The following FYN variants were observed in gnomAD, a reference collection of about 807,000 sequenced individuals.
FYN encodes tyrosine-protein kinase Fyn.
Under a neutral mutation model 70.2 loss-of-function variants are expected in FYN, and 10 were observed. The observed-to-expected ratio is 0.14, with a 90% confidence interval of 0.09 to 0.24. The LOEUF (loss-of-function observed/expected upper bound fraction) is 0.24, where lower values mean the gene tolerates loss of function less well. FYN is among the 10% of genes least tolerant of loss of function. The probability of loss-of-function intolerance (pLI) is 1.00; values close to 1 mark genes in which losing one functional copy is unlikely to be tolerated. For missense variants in FYN, 319 were observed against 673.1 expected (o/e 0.47, Z 5.82); for synonymous variants, 236 against 248.6 (o/e 0.95, Z 0.48).
At chr6:111,675,829 A>G (rs1248233983) in intron 12 of FYN, among the ~76,000 whole-genome samples, 1 of 151,168 alleles carries the variant, frequency 6.6e-6, no homozygotes, top group African/African-American at 2.4e-5. Flanking sequence ...AAATAAATAA[A>G]TAAATAAATA....
At chr6:111,784,461 A>T (rs1771291277) in intron 2 of FYN, among the ~76,000 whole-genome samples, 1 of 152,230 alleles carries the variant, frequency 6.6e-6, no homozygotes, top group Non-Finnish European at 1.5e-5. Flanking sequence ...AACTGACCCC[A>T]TAGTATTTCC....
chr6:111,782,780 G>A lies in FYN; in HGVS notation c.-81-2145C>T, dbSNP rs561237277. Among the ~76,000 whole-genome samples, 50 of 152,264 alleles carry A rather than the reference G, an allele frequency of 3.3e-4. 1 individual carries two copies. The highest frequency in any genetic ancestry group is 1.2e-3 in the African/African-American group (50 of 41,544). ...GTGATTTCCTAAGTATGGGCACTTT[G>A]GTGATCCATGCTGGTGAGGCCAGGT... On this transcript the variant is annotated intron_variant, in intron 2 of 13. Transcript: ENST00000354650.
At chr6:111,723,733 T>C (rs1009476033) in intron 3 of FYN, among the ~76,000 whole-genome samples, 8 of 152,242 alleles carry the variant, frequency 5.3e-5, no homozygotes, top group South Asian at 4.1e-4. Flanking sequence ...TCATTCATGC[T>C]AAAATAAAAG....
At chr6:111,807,164 A>G (rs1212372226) in intron 2 of FYN, among the ~76,000 whole-genome samples, 1 of 152,210 alleles carries the variant, frequency 6.6e-6, no homozygotes, top group Non-Finnish European at 1.5e-5. Context: ...CTTATTTATA[A>G]TATTTTTTGT....
chr6:111,716,717 A>G (rs1800660252), intron 4 of FYN, among the ~76,000 whole-genome samples: 1 of 152,100 alleles, frequency 6.6e-6, no homozygotes, highest in South Asian at 2.1e-4. Flanking sequence ...AAAATTATGA[A>G]GAAAGATCTT....
At chr6:111,817,083 GGAGT>G (rs1772512074) in intron 2 of FYN, among the ~76,000 whole-genome samples, 2 of 141,412 alleles carry the variant, frequency 1.4e-5, no homozygotes, top group Admixed American at 6.7e-5. Context: ...AACATAGAAA[GGAGT>G]GATTAAAATA....
intron 3 of FYN, among the ~76,000 whole-genome samples, chr6:111,744,067 C>T (rs781025817): frequency 2.8e-4 from 42 of 152,238 alleles, no homozygotes; most frequent in Non-Finnish European, 2.9e-4. Context: ...CTGCTCCCAA[C>T]TCTTGCCCTT....
rs997604770 is a variant in FYN at position 111,707,996 on chromosome 6, G to A, written c.369C>T (p.Arg123=). The part of the protein sequence containing the change: ...NSSEGDWWEA[R]SLTTGETGYI... The stretch of plus-strand genomic sequence containing the variant: ...AACCTGTCTCTCCAGTTGTCAAGGA[G>A]CGGGCTTCCCACCAATCTCCTTCCC... Residue 123 remains arginine, a synonymous_variant, in exon 6 of 14, where the codon CGC becomes CGT. Transcript: ENST00000354650. The A allele has an allele frequency of 1.2e-6, 2 of 1,613,828 alleles. No homozygotes were observed. Among genetic ancestry groups the A allele is most frequent in the Non-Finnish European group, 1.7e-6 (2 of 1,179,836 alleles).
intron 3 of FYN, among the ~76,000 whole-genome samples, chr6:111,761,971 G>A (rs1330714891): frequency 1.3e-5 from 2 of 152,196 alleles, no homozygotes; most frequent in Non-Finnish European, 2.9e-5. Context: ...ACATCATGGA[G>A]GAGTGTGGGT....
intron 12 of FYN, among the ~76,000 whole-genome samples, chr6:111,680,552 C>T (rs960931270): frequency 2.0e-5 from 3 of 152,202 alleles, no homozygotes; most frequent in Non-Finnish European, 2.9e-5. Context: ...GATAACACAT[C>T]ATTACCTTGA....
chr6:111,738,121 T>C lies in FYN; in HGVS notation c.-11-18059A>G, dbSNP rs553784208. Among the ~76,000 whole-genome samples, 3 of 152,302 alleles carry C rather than the reference T, an allele frequency of 2.0e-5. No individual in the cohort carries two copies. The South Asian group carries it at 6.2e-4, about 32-fold the overall frequency. ...GAATTTTCAGTCTGTTAGGAGCAAG[T>C]ACTGGTGAAAATGTGGAACAAGAGC... On this transcript the variant is annotated intron_variant, in intron 3 of 13. Coordinates refer to ENST00000354650, the MANE Select transcript of FYN (RefSeq NM_002037.5).
At chr6:111,839,270 T>C (rs956243581) in intron 2 of FYN, among the ~76,000 whole-genome samples, 1 of 152,090 alleles carries the variant, frequency 6.6e-6, no homozygotes, top group African/African-American at 2.4e-5. Context: ...AGCTCATGGA[T>C]CTGTTTGTTC....
In FYN at chr6:111,694,376, T is replaced by C. The variant is rs1489703415; in HGVS notation, c.1272A>G (p.Gln424=). 3.1e-6 allele frequency: 5 copies of C among 1,614,054 alleles called. No homozygotes were observed. Among genetic ancestry groups the C allele is most frequent in the African/African-American group, 1.3e-5 (1 of 74,944 alleles). ...AGCCATTGTCATTCAAGTGCCCACC[T>C]TGTCTTGCTGTGTACTCATTGTCTT... ...LIEDNEYTAR[Q]GAKFPIKWTA... is the part of the protein sequence containing the mutation. The change falls in exon 12 of 14, where the codon CAA becomes CAG. Residue 424 remains glutamine (Q), a splice_region_variant and synonymous_variant. Coordinates refer to ENST00000354650, the MANE Select transcript of FYN (RefSeq NM_002037.5). This position sits in a 1 kb window ranked among gnomAD's most constrained non-coding sequence, Gnocchi z 5.0.
At chr6:111,762,193 C>T (rs1583418936) in intron 3 of FYN, among the ~76,000 whole-genome samples, 3 of 152,182 alleles carry the variant, frequency 2.0e-5, no homozygotes, top group African/African-American at 7.2e-5. Context: ...GGTGAGGAAG[C>T]TTCCTGAGCT....
At chr6:111,715,331 T>C (rs968756029) in intron 4 of FYN, among the ~76,000 whole-genome samples, 1 of 152,066 alleles carries the variant, frequency 6.6e-6, no homozygotes, top group Non-Finnish European at 1.5e-5. Context: ...TCCCCCTGGC[T>C]TGGCCTCCCA....
intron 12 of FYN, among the ~76,000 whole-genome samples, chr6:111,675,049 T>G (rs1255752425): frequency 6.6e-6 from 1 of 152,054 alleles, no homozygotes; most frequent in Non-Finnish European, 1.5e-5. Flanking sequence ...GCTCCCAGGG[T>G]GGGGACAACT....
Position 111,873,144 on chromosome 6 carries a change from C to T in FYN, c.-299G>A, listed in dbSNP as rs1397521950. 1.4e-5 allele frequency: 2 copies of T among 145,966 alleles called. No individual in the cohort carries two copies. Among genetic ancestry groups the T allele is most frequent in the African/African-American group, 5.0e-5 (2 of 40,374 alleles). 9.0% of individuals were successfully genotyped at this position (145,966 alleles called of 1,614,324 possible). ...GCCCGGCGGCCGAATCCCTCCCTGG[C>T]GCGGGCGGCGGCCGCCGGGCGGTGC... On this transcript the variant is annotated 5_prime_UTR_variant, in exon 1 of 14. Transcript: ENST00000354650.
rs932916524 is a variant in FYN at position 111,822,439 on chromosome 6, T to A, written c.-82+24150A>T. ...GGTGGGAATTGAACAATGAGAACAC[T>A]TGGACACAGGGCAGGGAACATCACA... On this transcript the variant is annotated intron_variant, in intron 2 of 13. Coordinates refer to ENST00000354650, the MANE Select transcript of FYN (RefSeq NM_002037.5). Among the ~76,000 whole-genome samples the A allele has an allele frequency of 2.6e-5, 4 of 151,688 alleles. No individual in the cohort carries two copies. The South Asian group carries it at 6.3e-4, about 24-fold the overall frequency.
At chr6:111,841,602 C>T (rs538310804) in intron 2 of FYN, among the ~76,000 whole-genome samples, 2 of 152,274 alleles carry the variant, frequency 1.3e-5, no homozygotes, top group South Asian at 4.1e-4. Context: ...CAGTGGTTGG[C>T]CTACCAGTGT....
Sources: gnomAD v4.1 joint callset for allele counts (sites outside exome capture counted in the v4.1 genomes callset) on GRCh38, gnomAD v4.1.1 for gene constraint, Gnocchi (gnomAD v3.1) non-coding constraint, MANE v1.5 for transcripts, NCBI Gene and HGNC (gene_info 2026-07-23, HGNC 2026-07-21) for gene names.